Variants in ROCK2 observed in about 807,000 individuals in gnomAD.
The protein encoded by ROCK2 is Rho associated coiled-coil containing protein kinase 2.
ROCK2 carries 61 observed loss-of-function variants against 195.1 expected under a neutral mutation model. The observed-to-expected ratio is 0.31, with a 90% CI of 0.25 to 0.39. The LOEUF (loss-of-function observed/expected upper bound fraction) is 0.39, where lower values mean the gene tolerates loss of function less well. Among genes scored for constraint, ROCK2 ranks in the 10% least tolerant of loss-of-function variants. ROCK2 has a pLI of 1.00. For synonymous variants in ROCK2, 504 were observed against 545.5 expected (o/e 0.92, Z 1.06); for missense variants, 1,109 against 1,637.4 (o/e 0.68, Z 5.57).
At chr2:11,330,740 G>GGGAGGAGGAGGGAGGAGGGGGGAGGA (rs148690962) in intron 1 of ROCK2, among the ~76,000 whole-genome samples, 1 of 43,260 alleles carries the variant, frequency 2.3e-5, no homozygotes, top group African/African-American at 7.2e-5. Flanking sequence ...AAGATGAGGA[G>GGGAGGAGGAGGGAGGAGGGGGGAGGA]GGAGGAGGGA....
At chr2:11,193,515 T>A (rs914123135) in intron 30 of ROCK2, among the ~76,000 whole-genome samples, 1 of 151,896 alleles carries the variant, frequency 6.6e-6, no homozygotes, top group African/African-American at 2.4e-5. Context: ...TAAACAAAAA[T>A]ATAGCAAAGA....
intron 3 of ROCK2, among the ~76,000 whole-genome samples, chr2:11,284,529 G>T (rs894876805): frequency 6.6e-6 from 1 of 151,976 alleles, no homozygotes; most frequent in Non-Finnish European, 1.5e-5. Flanking sequence ...CCTTCCTCTC[G>T]ATTTTACTGT....
At chr2:11,225,593 G>A (rs1282459226) in intron 6 of ROCK2, among the ~76,000 whole-genome samples, 1 of 151,962 alleles carries the variant, frequency 6.6e-6, no homozygotes, top group East Asian at 1.9e-4. Flanking sequence ...TCCTGCCTCA[G>A]CCTCCTGAAG....
intron 1 of ROCK2, among the ~76,000 whole-genome samples, chr2:11,342,038 TAAATA>T (rs1380859393): frequency 6.6e-6 from 1 of 152,160 alleles, no homozygotes; most frequent in East Asian, 1.9e-4. Flanking sequence ...TAGTAGTTCA[TAAATA>T]AAATACGCGT....
intron 1 of ROCK2, among the ~76,000 whole-genome samples, chr2:11,302,833 T>C (rs1667748521): frequency 6.6e-6 from 1 of 152,226 alleles, no homozygotes; most frequent in African/African-American, 2.4e-5. Flanking sequence ...ATTAATTTCA[T>C]CTGTTTCCCT....
At chr2:11,296,023 A>G (rs1165300119) in intron 1 of ROCK2, among the ~76,000 whole-genome samples, 12 of 109,056 alleles carry the variant, frequency 1.1e-4, no homozygotes, top group African/African-American at 3.1e-4. Context: ...AGAGAGAGAG[A>G]GAGAGAGAGA....
chr2:11,188,559 G>A (rs1466138265), intron 32 of ROCK2, among the ~76,000 whole-genome samples: 1 of 152,018 alleles, frequency 6.6e-6, no homozygotes, highest in Non-Finnish European at 1.5e-5. Flanking sequence ...CATTCCTGTA[G>A]AATAGCATTT....
chr2:11,194,781 A>AT (rs1663565260), intron 28 of ROCK2, among the ~76,000 whole-genome samples, 174 bp downstream of exon 28: 1 of 115,594 alleles, frequency 8.7e-6, no homozygotes, highest in Non-Finnish European at 2.1e-5. Flanking sequence ...AGGTATGAGG[A>AT]CAAAAATTTT....
At chr2:11,317,612 A>ATATATATATATATATATATATTTTT (rs59701503) in intron 1 of ROCK2, among the ~76,000 whole-genome samples, 2 of 19,312 alleles carry the variant, frequency 1.0e-4, no homozygotes, top group African/African-American at 3.2e-4. Flanking sequence ...ATATATATAT[A>ATATATATATATATATATATATTTTT]TTTTTTTTTT....
chr2:11,199,008 C>G (rs1305629471), intron 23 of ROCK2, among the ~76,000 whole-genome samples: 1 of 151,264 alleles, frequency 6.6e-6, no homozygotes, highest in Non-Finnish European at 1.5e-5. Flanking sequence ...TCAAGTGATT[C>G]TCCTGCCTCA....
chr2:11,292,918 AG>A lies in ROCK2; in HGVS notation c.142-5183del, dbSNP rs1357040310. ...AGTGAGTACTCAGGAGATCTGGTTT[AG>A]AAGTGTGTAGCACCTCCCCCTTCTC... On this transcript the variant is annotated intron_variant, in intron 1 of 32. Transcript: ENST00000315872. Among the ~76,000 whole-genome samples, 11 of 152,258 alleles carry A rather than the reference AG, an allele frequency of 7.2e-5. No homozygotes were observed. The South Asian group carries it at 2.3e-3, about 32-fold the overall frequency.
At chr2:11,268,406 T>C (rs905279575) in intron 3 of ROCK2, among the ~76,000 whole-genome samples, 1 of 152,270 alleles carries the variant, frequency 6.6e-6, no homozygotes, top group Non-Finnish European at 1.5e-5. Flanking sequence ...GAAAGGAACA[T>C]TTTGAAATAT....
intron 1 of ROCK2, among the ~76,000 whole-genome samples, chr2:11,341,525 T>C (rs1196555607): frequency 6.6e-6 from 1 of 152,232 alleles, no homozygotes; most frequent in Non-Finnish European, 1.5e-5. Context: ...TTTTACCTTC[T>C]AGGCCTAGCC....
intron 3 of ROCK2, among the ~76,000 whole-genome samples, chr2:11,282,082 G>A (rs1667023932): frequency 6.6e-6 from 1 of 152,330 alleles, no homozygotes; most frequent in South Asian, 2.1e-4. Flanking sequence ...CAGGTGCAGT[G>A]GCTCGCACCT....
chr2:11,185,520 G>A (rs994849496), intron 32 of ROCK2, among the ~76,000 whole-genome samples: 6 of 152,178 alleles, frequency 3.9e-5, no homozygotes, highest in African/African-American at 1.4e-4. Flanking sequence ...CCTGAGGTGA[G>A]GAGTTCAAGA....
At chr2:11,219,769 C>G (rs2148073327) in intron 9 of ROCK2, among the ~76,000 whole-genome samples, 1 of 152,038 alleles carries the variant, frequency 6.6e-6, no homozygotes, top group East Asian at 1.9e-4. Flanking sequence ...AACTATTGAA[C>G]AGCTTTCAGT....
intron 3 of ROCK2, among the ~76,000 whole-genome samples, chr2:11,263,672 C>CACACACA (rs1553308491): frequency 6.9e-6 from 1 of 145,232 alleles, no homozygotes; most frequent in Non-Finnish European, 1.5e-5. Context: ...CACACACACA[C>CACACACA]AAAAAAAAAC....
At chr2:11,184,707 T>TCAC (rs1458117764) in intron 32 of ROCK2, 8 of 982,808 alleles carry the variant, frequency 8.1e-6, no homozygotes, top group South Asian at 4.7e-5. Context: ...GTCATCATCA[T>TCAC]CACCACCACC....
intron 3 of ROCK2, among the ~76,000 whole-genome samples, chr2:11,276,646 T>C (rs966806893): frequency 5.3e-5 from 8 of 152,108 alleles, no homozygotes; most frequent in South Asian, 2.1e-4. Flanking sequence ...CTTGCAAAAA[T>C]AGAAATAGAG....
Sources: gnomAD v4.1 joint callset for allele counts (sites outside exome capture counted in the v4.1 genomes callset) on GRCh38, gnomAD v4.1.1 for gene constraint, MANE v1.5 for transcripts, NCBI Gene and HGNC (gene_info 2026-07-23, HGNC 2026-07-21) for gene names.